Variants in GLP2R observed in about 807,000 individuals in gnomAD.
GLP2R encodes the protein glucagon like peptide 2 receptor, also known as glucagon-like peptide 2 receptor.
GLP2R carries 59 observed loss-of-function variants against 68.2 expected under a neutral mutation model. The ratio of observed to expected loss-of-function variants is 0.87; its 90% CI spans 0.70 to 1.07. GLP2R has a LOEUF of 1.07. Ranked by LOEUF, GLP2R falls within the 50% of genes least tolerant of loss-of-function variation. GLP2R has a pLI of 0.00. For missense variants in GLP2R, 548 were observed against 677.4 expected, an observed-to-expected ratio of 0.81 and a Z score of 2.12; for synonymous variants, 270 against 265.4, an observed-to-expected ratio of 1.02 and a Z score of -0.17.
chr17:9,843,157 G>A (rs757326465), intron 4 of GLP2R, among the ~76,000 whole-genome samples: 19 of 152,138 alleles, frequency 1.2e-4, no homozygotes, highest in Non-Finnish European at 2.6e-4. Context: ...GTGCCTCGAG[G>A]GAGTGGCATA....
At chr17:9,857,121 C>T (rs899221960) in intron 5 of GLP2R, among the ~76,000 whole-genome samples, 1 of 152,140 alleles carries the variant, frequency 6.6e-6, no homozygotes, top group African/African-American at 2.4e-5. Context: ...GGGGTTTCAC[C>T]ATGTTGGCCA....
At chr17:9,859,787 C>T (rs1158699864) in intron 6 of GLP2R, among the ~76,000 whole-genome samples, 155 bp from the exon 7 acceptor site, 2 of 133,882 alleles carry the variant, frequency 1.5e-5, no homozygotes, top group Non-Finnish European at 3.1e-5. Flanking sequence ...CACCTCTGCA[C>T]TCCATCCTGG....
At chr17:9,827,815 A>C (rs556736952) in intron 1 of GLP2R, among the ~76,000 whole-genome samples, 44 of 152,154 alleles carry the variant, frequency 2.9e-4, no homozygotes, top group Non-Finnish European at 5.7e-4. Flanking sequence ...TACAAAAATT[A>C]TCTGGGCATG....
At chr17:9,859,633 A>AT (rs1473019240) in intron 6 of GLP2R, among the ~76,000 whole-genome samples, 273 of 108,972 alleles carry the variant, frequency 2.5e-3, no homozygotes, top group African/African-American at 9.4e-3. Context: ...TCTACTAAAA[A>AT]AAAATATATA....
intron 1 of GLP2R, among the ~76,000 whole-genome samples, chr17:9,832,740 GTAAA>G (rs1273134831): frequency 1.3e-5 from 2 of 151,872 alleles, no homozygotes; most frequent in Non-Finnish European, 2.9e-5. Flanking sequence ...TCTCAAAAAA[GTAAA>G]TAAATAAAAT....
At chr17:9,840,788 G>A (rs957358001) in intron 3 of GLP2R, among the ~76,000 whole-genome samples, 4 of 152,134 alleles carry the variant, frequency 2.6e-5, no homozygotes, top group African/African-American at 9.7e-5. Context: ...GAGGGAGGGT[G>A]TTCAGGAGGG....
chr17:9,868,670 T>A lies in GLP2R; in HGVS notation c.1057-2077T>A, dbSNP rs576429871. 4.4e-4 allele frequency among the ~76,000 whole-genome samples: 67 copies of A among 152,146 alleles called. 2 individuals carry two copies. In the South Asian group the frequency reaches 0.013, roughly 30 times the overall value. ...GGCTTCATGGTACCCCCAGCTAGGG[T>A]TTCATCCTGTGGCAGTGAGGAAGTG... On this transcript the variant is annotated intron_variant, in intron 9 of 12. Transcript: ENST00000262441.
At chr17:9,849,107 A>T (rs901650518) in intron 4 of GLP2R, among the ~76,000 whole-genome samples, 15 of 151,682 alleles carry the variant, frequency 9.9e-5, no homozygotes, top group African/African-American at 3.4e-4. Context: ...TTAAAATTTT[A>T]ATATAATTTA....
intron 10 of GLP2R, among the ~76,000 whole-genome samples, chr17:9,873,438 G>T (rs1291466360): frequency 6.6e-6 from 1 of 151,936 alleles, no homozygotes; most frequent in African/African-American, 2.4e-5. Context: ...CTACCACTGG[G>T]TATTCTGACT....
chr17:9,887,499 C>G (rs1007740085), intron 11 of GLP2R, among the ~76,000 whole-genome samples: 1 of 152,194 alleles, frequency 6.6e-6, no homozygotes, highest in South Asian at 2.1e-4. Context: ...TGCACTCTAG[C>G]CTGGCGACAA....
Position 9,881,426 on chromosome 17 carries a change from G to A in GLP2R, c.1284+910G>A, listed in dbSNP as rs1339363185. Among the ~76,000 whole-genome samples, 6 of 123,608 alleles carry A rather than the reference G, an allele frequency of 4.9e-5. 2 individuals are homozygous for A. The highest frequency in any genetic ancestry group is 2.1e-4 in the African/African-American group (5 of 23,450). 81.1% of individuals were successfully genotyped at this position (123,608 alleles called of 152,430 possible). A position where few individuals can be genotyped will look rare whatever the true frequency, so the allele number is the denominator to read the frequency against. On this transcript the variant is annotated intron_variant, in intron 11 of 12. Transcript: ENST00000262441. ...GACGGAGTCTCGCTCTGTCGCCCAG[G>A]CTGGAGTGCAGTGGCGGGATCTCGG...
chr17:9,836,600 G>T, intron 3 of GLP2R, 125 bp downstream of exon 3: 1 of 611,888 alleles, frequency 1.6e-6, no homozygotes, highest in South Asian at 2.1e-5. Context: ...TTCTATTCCT[G>T]GATGTTCCAT....
chr17:9,889,541 G>T lies in GLP2R; in HGVS notation c.1498G>T (p.Gly500Trp). 2 of 1,614,218 alleles carry T rather than the reference G, an allele frequency of 1.2e-6. No homozygotes were observed. The highest frequency in any genetic ancestry group is 1.7e-5 in the Admixed American group (1 of 60,038). The change falls in exon 13 of 13, where the codon GGG (glycine) becomes TGG (tryptophan). Residue 500 changes from glycine (G) to tryptophan (W), a missense_variant. Transcript: ENST00000262441. Reference protein sequence around the residue: ...LRKLQPSLNSGRLLHLAMRGL... With the variant: ...LRKLQPSLNSWRLLHLAMRGL... ...GAAGCTGCAGCCCTCACTTAACAGT[G>T]GGCGGCTCCTACATCTAGCCATGCG... is the stretch of plus-strand genomic sequence containing the variant.
At chr17:9,858,567 C>T (rs2066955175) in intron 6 of GLP2R, among the ~76,000 whole-genome samples, 1 of 152,148 alleles carries the variant, frequency 6.6e-6, no homozygotes, top group South Asian at 2.1e-4. Context: ...ATTATTTCTT[C>T]CTTAAATGTT....
intron 5 of GLP2R, among the ~76,000 whole-genome samples, chr17:9,857,100 T>C (rs889118233): frequency 3.9e-5 from 6 of 152,096 alleles, no homozygotes; most frequent in Non-Finnish European, 7.4e-5. Flanking sequence ...TTTTGTATTA[T>C]TAGTAGAGGT....
At chr17:9,852,194 T>G (rs2066898036) in intron 4 of GLP2R, among the ~76,000 whole-genome samples, 2 of 152,022 alleles carry the variant, frequency 1.3e-5, no homozygotes, top group South Asian at 4.2e-4. Flanking sequence ...ATGCATTAGG[T>G]ATTTGCTGTA....
In GLP2R at chr17:9,826,109, G is replaced by T. The variant is rs771291456; in HGVS notation, c.46G>T (p.Gly16Ter). 37 of 1,612,742 alleles carry T rather than the reference G, an allele frequency of 2.3e-5. 1 individual carries two copies. The highest frequency in any genetic ancestry group is 4.2e-6 in the Non-Finnish European group (5 of 1,179,600). The change falls in exon 1 of 13, where the codon GGA becomes TGA. Residue 16 changes from glycine to a stop codon, truncating the protein, a stop_gained. Coordinates refer to ENST00000262441, the MANE Select transcript of GLP2R (RefSeq NM_004246.3). LOFTEE classifies it high-confidence loss of function. Reference sequence around the variant, plus strand: ...GGCAGGGCCTGGGAGAGGAAGCGCGGGACTCCTGCCTGGCGTCCACGAGCT... The same window carrying T: ...GGCAGGGCCTGGGAGAGGAAGCGCGTGACTCCTGCCTGGCGTCCACGAGCT... The part of the protein sequence containing the change: ...SRAGPGRGSA[G>*]LLPGVHELPM...
chr17:9,840,369 C>A (rs1008778513), intron 3 of GLP2R, among the ~76,000 whole-genome samples: 1 of 152,184 alleles, frequency 6.6e-6, no homozygotes, highest in Non-Finnish European at 1.5e-5. Context: ...CAGAGCTGAG[C>A]CCTATTTGTA....
intron 11 of GLP2R, among the ~76,000 whole-genome samples, chr17:9,884,174 T>G (rs2067221183): frequency 6.6e-6 from 1 of 152,218 alleles, no homozygotes; most frequent in Non-Finnish European, 1.5e-5. Flanking sequence ...AAATAGATTG[T>G]GTTAAGATGC....
Sources: gnomAD v4.1 joint callset for allele counts (sites outside exome capture counted in the v4.1 genomes callset) on GRCh38, gnomAD v4.1.1 for gene constraint, MANE v1.5 for transcripts, NCBI Gene and HGNC (gene_info 2026-07-23, HGNC 2026-07-21) for gene names.